DACH1: variants seen among roughly 807,000 people sequenced by gnomAD.
DACH1 encodes dachshund family transcription factor 1.
Under a neutral mutation model 54.2 loss-of-function variants are expected in DACH1, and 12 were observed. The ratio of observed to expected loss-of-function variants is 0.22; its 90% CI spans 0.14 to 0.36. The LOEUF (loss-of-function observed/expected upper bound fraction) is 0.36. Ranked by LOEUF, DACH1 falls within the 10% of genes least tolerant of loss-of-function variation. The pLI, the probability that DACH1 is intolerant of heterozygous loss-of-function variation, is 1.00. For synonymous variants in DACH1, 386 were observed against 366.2 expected (o/e 1.05, Z -0.62); for missense variants, 805 against 929.8 (o/e 0.87, Z 1.75).
intron 1 of DACH1, among the ~76,000 whole-genome samples, chr13:71,751,426 T>C (rs1884920842): frequency 6.6e-6 from 1 of 152,218 alleles, no homozygotes; most frequent in South Asian, 2.1e-4. Flanking sequence ...GTTCTATTTC[T>C]GTCCATTCTA....
At chr13:71,712,684 A>C (rs1419128332) in intron 1 of DACH1, among the ~76,000 whole-genome samples, 1 of 152,116 alleles carries the variant, frequency 6.6e-6, no homozygotes, top group Non-Finnish European at 1.5e-5. Flanking sequence ...AGGTAAACAA[A>C]AATTTTTTTA....
intron 6 of DACH1, among the ~76,000 whole-genome samples, chr13:71,536,641 C>G (rs1882824885): frequency 6.6e-6 from 1 of 152,088 alleles, no homozygotes; most frequent in African/African-American, 2.4e-5. Context: ...AATATTATGA[C>G]ATGCATTCAT....
intron 2 of DACH1, among the ~76,000 whole-genome samples, chr13:71,632,073 G>A (rs1027512997): frequency 1.3e-5 from 2 of 151,238 alleles, no homozygotes; most frequent in South Asian, 2.1e-4. Flanking sequence ...GACAGAGTGA[G>A]ACTCTGTCCC....
At chr13:71,567,450 A>T (rs1884959099) in intron 4 of DACH1, among the ~76,000 whole-genome samples, 2 of 152,032 alleles carry the variant, frequency 1.3e-5, no homozygotes, top group South Asian at 4.1e-4. Flanking sequence ...ACAAAAAAAA[A>T]TAGAAAGTCA....
At chr13:71,628,514 A>G (rs1876830471) in intron 3 of DACH1, among the ~76,000 whole-genome samples, 1 of 152,170 alleles carries the variant, frequency 6.6e-6, no homozygotes, top group South Asian at 2.1e-4. Context: ...TCAAACTATT[A>G]AGACTTTCTA....
At chr13:71,591,725 G>A (rs376746875) in intron 3 of DACH1, among the ~76,000 whole-genome samples, 2 of 152,112 alleles carry the variant, frequency 1.3e-5, no homozygotes, top group East Asian at 3.9e-4. Flanking sequence ...CTCCCTTCCA[G>A]GGGACCTGGA....
intron 1 of DACH1, among the ~76,000 whole-genome samples, chr13:71,733,231 G>A (rs1223346331): frequency 4.0e-5 from 6 of 151,082 alleles, no homozygotes; most frequent in African/African-American, 1.5e-4. Flanking sequence ...GCACAATCTC[G>A]ACTCACTGCA....
At chr13:71,836,237 G>A (rs895876355) in intron 1 of DACH1, among the ~76,000 whole-genome samples, 1 of 151,742 alleles carries the variant, frequency 6.6e-6, no homozygotes, top group Non-Finnish European at 1.5e-5. Flanking sequence ...CATTTGGTAG[G>A]CTATGAAGAA....
chr13:71,633,768 T>C (rs1014676610), intron 2 of DACH1, among the ~76,000 whole-genome samples: 2 of 151,932 alleles, frequency 1.3e-5, no homozygotes, highest in Non-Finnish European at 2.9e-5. Flanking sequence ...GTTTGATGGG[T>C]TCTCAATTCT....
chr13:71,826,105 G>T (rs1888368457), intron 1 of DACH1, among the ~76,000 whole-genome samples: 1 of 152,054 alleles, frequency 6.6e-6, no homozygotes, highest in Non-Finnish European at 1.5e-5. Context: ...ATATCCATTT[G>T]ACTGCTTCCC....
chr13:71,759,177 G>T (rs1238724394), intron 1 of DACH1, among the ~76,000 whole-genome samples: 1 of 151,476 alleles, frequency 6.6e-6, no homozygotes, highest in Non-Finnish European at 1.5e-5. Flanking sequence ...ACTAAGACTT[G>T]ATGACCTTTT....
chr13:71,472,568 A>C (rs1325945347), intron 10 of DACH1, among the ~76,000 whole-genome samples: 1 of 152,220 alleles, frequency 6.6e-6, no homozygotes, highest in Non-Finnish European at 1.5e-5. Flanking sequence ...TTTCCCAATA[A>C]ATTGAGTTTA....
At chr13:71,522,662 AAT>A (rs1422229975) in intron 6 of DACH1, among the ~76,000 whole-genome samples, 1 of 152,054 alleles carries the variant, frequency 6.6e-6, no homozygotes, top group African/African-American at 2.4e-5. Context: ...CAATACCATT[AAT>A]ATGAGTAATA....
At chr13:71,504,484 G>T (rs918394439) in intron 6 of DACH1, among the ~76,000 whole-genome samples, 4 of 152,134 alleles carry the variant, frequency 2.6e-5, no homozygotes, top group Admixed American at 6.6e-5. Flanking sequence ...CTCAGATCAA[G>T]AATTGAACCT....
intron 6 of DACH1, among the ~76,000 whole-genome samples, chr13:71,529,078 C>A (rs1882215462): frequency 6.6e-6 from 1 of 151,194 alleles, no homozygotes; most frequent in African/African-American, 2.4e-5. Flanking sequence ...TATGGTAACA[C>A]ATGGTAAGGG....
At chr13:71,518,755 A>G (rs1338946182) in intron 6 of DACH1, among the ~76,000 whole-genome samples, 1 of 151,862 alleles carries the variant, frequency 6.6e-6, no homozygotes, top group Non-Finnish European at 1.5e-5. Context: ...TTGGAACAAG[A>G]AAGTTTAGAG....
chr13:71,546,979 C>A (rs966762469), intron 6 of DACH1, among the ~76,000 whole-genome samples: 5 of 152,002 alleles, frequency 3.3e-5, no homozygotes, highest in Admixed American at 1.3e-4. Flanking sequence ...CTCTTCTTAT[C>A]TTGTTGCATA....
At chr13:71,716,053 T>C (rs1019784249) in intron 1 of DACH1, among the ~76,000 whole-genome samples, 7 of 152,126 alleles carry the variant, frequency 4.6e-5, no homozygotes, top group African/African-American at 1.7e-4. Flanking sequence ...TCATTACCTA[T>C]TGCATTACAT....
chr13:71,523,224 T>C (rs915873772), intron 6 of DACH1, among the ~76,000 whole-genome samples: 5 of 152,130 alleles, frequency 3.3e-5, no homozygotes, highest in African/African-American at 9.7e-5. Flanking sequence ...GATAATAGGC[T>C]CTGAAAATAA....
Sources: gnomAD v4.1 joint callset for allele counts (sites outside exome capture counted in the v4.1 genomes callset) on GRCh38, gnomAD v4.1.1 for gene constraint, MANE v1.5 for transcripts, NCBI Gene and HGNC (gene_info 2026-07-23, HGNC 2026-07-21) for gene names.